SLC25A13: variants seen among roughly 807,000 people sequenced by gnomAD.
The protein encoded by SLC25A13 is electrogenic aspartate/glutamate antiporter SLC25A13, mitochondrial.
In SLC25A13, 70 loss-of-function variants were observed where a neutral mutation model predicts 85.5. The observed-to-expected ratio is 0.82, with a 90% confidence interval of 0.68 to 1.00. The LOEUF (loss-of-function observed/expected upper bound fraction) is 1.00, where lower values mean the gene tolerates loss of function less well. Ranked by LOEUF, SLC25A13 falls within the 50% of genes least tolerant of loss-of-function variation. SLC25A13 has a pLI of 0.00. For missense variants in SLC25A13, 765 were observed against 819.8 expected, an observed-to-expected ratio of 0.93 and a Z score of 0.82; for synonymous variants, 259 against 288.7, an observed-to-expected ratio of 0.90 and a Z score of 1.04.
intron 3 of SLC25A13, among the ~76,000 whole-genome samples, chr7:96,255,640 T>C (rs971938935): frequency 2.6e-5 from 4 of 152,096 alleles, no homozygotes; most frequent in Admixed American, 6.6e-5. Context: ...TGAGCCATGA[T>C]TGTACCACTA....
intron 3 of SLC25A13, among the ~76,000 whole-genome samples, chr7:96,254,991 T>A (rs1312122393): frequency 2.6e-5 from 4 of 152,076 alleles, no homozygotes; most frequent in African/African-American, 9.7e-5. Context: ...AGACAATCCC[T>A]AAAAATTGAA....
chr7:96,134,955 G>A (rs998953323), intron 14 of SLC25A13, among the ~76,000 whole-genome samples: 1 of 151,846 alleles, frequency 6.6e-6, no homozygotes, highest in Non-Finnish European at 1.5e-5. Flanking sequence ...GAAGTCTTTG[G>A]TGTCTGATTA....
chr7:96,160,290 T>C (rs970816591), intron 13 of SLC25A13, among the ~76,000 whole-genome samples: 8 of 152,322 alleles, frequency 5.3e-5, no homozygotes, highest in Non-Finnish European at 8.8e-5. Flanking sequence ...AGGAAGTATC[T>C]GGCTGGCCCA....
At chr7:96,313,033 G>A (rs1465474666) in intron 1 of SLC25A13, among the ~76,000 whole-genome samples, 1 of 152,182 alleles carries the variant, frequency 6.6e-6, no homozygotes, top group African/African-American at 2.4e-5. Flanking sequence ...ATGAAGTCAG[G>A]AATGACCAAA....
intron 2 of SLC25A13, among the ~76,000 whole-genome samples, chr7:96,293,387 A>G (rs1187091135): frequency 1.3e-5 from 2 of 152,234 alleles, no homozygotes; most frequent in East Asian, 3.8e-4. Flanking sequence ...CTCATGTCTA[A>G]AACACCAAAA....
rs76865897 is a variant in SLC25A13 at position 96,288,079 on chromosome 7, T to A, written c.69+8819A>T. 5.7e-3 allele frequency among the ~76,000 whole-genome samples: 875 copies of A among 152,300 alleles called. 12 individuals carry two copies. Among genetic ancestry groups the A allele is most frequent in the African/African-American group, 0.02 (841 of 41,570 alleles). On this transcript the variant is annotated intron_variant, in intron 2 of 17. Transcript: ENST00000265631. ...GAGATCAGCTTAGGTAAGGAACAAA[T>A]GCTTTTCTGTTTTCTGGACTTTCAT...
At chr7:96,321,576 G>C (rs1031781301) in intron 1 of SLC25A13, among the ~76,000 whole-genome samples, 1 of 152,164 alleles carries the variant, frequency 6.6e-6, no homozygotes, top group Admixed American at 6.5e-5. Flanking sequence ...GCAGGAGCGC[G>C]CTGGGAAGGT....
chr7:96,201,919 C>T (rs4273779), intron 5 of SLC25A13, among the ~76,000 whole-genome samples: 81,744 of 151,880 alleles, frequency 0.54, 23,199 homozygotes, highest in Non-Finnish European at 0.63. Flanking sequence ...AGGACCACAT[C>T]TGACCAGCAG....
chr7:96,210,967 T>G (rs754475019), intron 4 of SLC25A13, among the ~76,000 whole-genome samples: 1 of 152,204 alleles, frequency 6.6e-6, no homozygotes, highest in Non-Finnish European at 1.5e-5. Flanking sequence ...TTCCCCTTCT[T>G]GATCTCTCCT....
intron 15 of SLC25A13, 137 bp downstream of exon 15, chr7:96,131,606 G>C: frequency 9.4e-7 from 1 of 1,061,814 alleles, no homozygotes; most frequent in Non-Finnish European, 1.4e-6. Flanking sequence ...TTTTTCAGTA[G>C]CTCTTCAATC....
chr7:96,206,094 T>C lies in SLC25A13; in HGVS notation c.468+2744A>G, dbSNP rs188784180. On this transcript the variant is annotated intron_variant, in intron 5 of 17. Transcript: ENST00000265631. ...CTCAGTGGAATAGAGGAGTGCTGTC[T>C]CTACATGCCATACAAGTTCCCTGAA... Among the ~76,000 whole-genome samples, 35 of 152,328 alleles carry C rather than the reference T, an allele frequency of 2.3e-4. 2 individuals carry two copies. The East Asian group carries it at 6.7e-3, about 29-fold the overall frequency.
chr7:96,170,285 A>G (rs1413151193), intron 12 of SLC25A13, among the ~76,000 whole-genome samples, 160 bp from the exon 13 acceptor site: 1 of 152,180 alleles, frequency 6.6e-6, no homozygotes, highest in African/African-American at 2.4e-5. Flanking sequence ...TTTGAGAAGT[A>G]CTCTTAATAG....
At chr7:96,165,459 C>T (rs910937146) in intron 13 of SLC25A13, among the ~76,000 whole-genome samples, 2 of 152,208 alleles carry the variant, frequency 1.3e-5, no homozygotes, top group Non-Finnish European at 2.9e-5. Context: ...GAAACCCACA[C>T]ATCTGTAACA....
chr7:96,321,516 G>A (rs948842729), intron 1 of SLC25A13, among the ~76,000 whole-genome samples: 67 of 152,108 alleles, frequency 4.4e-4, no homozygotes, highest in African/African-American at 1.5e-3. Context: ...GCTTCAGCCC[G>A]GGCTCTGGCC....
chr7:96,299,312 A>C (rs1043345231), intron 1 of SLC25A13, among the ~76,000 whole-genome samples: 17 of 152,224 alleles, frequency 1.1e-4, no homozygotes, highest in Admixed American at 3.3e-4. Flanking sequence ...CTCAGGGTCT[A>C]GGGCAGAGAA....
At position 96,221,170 on chromosome 7, in the gene SLC25A13, G is replaced by A. The variant is rs1229419336; in HGVS notation, c.329-12193C>T. On this transcript the variant is annotated intron_variant, in intron 4 of 17. Coordinates refer to ENST00000265631, the MANE Select transcript of SLC25A13 (RefSeq NM_014251.3). ...CGTATTTAGCTTTTCGTAAATAGTG[G>A]ATTTTTGACCCAATGAACTGGAACA... Among the ~76,000 whole-genome samples, 4 of 152,088 alleles carry A rather than the reference G, an allele frequency of 2.6e-5. No homozygotes were observed. The South Asian group carries it at 6.2e-4, about 24-fold the overall frequency.
intron 2 of SLC25A13, among the ~76,000 whole-genome samples, chr7:96,293,599 C>A (rs1799213770): frequency 6.6e-6 from 1 of 152,036 alleles, no homozygotes. Context: ...AACAAACAAC[C>A]CCATCAAAAA....
chr7:96,186,386 G>A (rs1027859426), intron 9 of SLC25A13, among the ~76,000 whole-genome samples: 7 of 152,220 alleles, frequency 4.6e-5, no homozygotes, highest in Admixed American at 1.3e-4. Context: ...CCAAGATCGC[G>A]CCACTGCACT....
At chr7:96,136,054 C>T (rs535195721) in intron 14 of SLC25A13, among the ~76,000 whole-genome samples, 8 of 151,980 alleles carry the variant, frequency 5.3e-5, no homozygotes, top group Non-Finnish European at 1.2e-4. Flanking sequence ...ACACTAATAT[C>T]CAGACAGGGA....
Sources: allele counts gnomAD v4.1 joint callset (sites outside exome capture counted in the v4.1 genomes callset), GRCh38; gene constraint gnomAD v4.1.1; transcripts MANE v1.5; gene names NCBI Gene and HGNC (gene_info 2026-07-23, HGNC 2026-07-21).